COL5A2: variants seen among roughly 807,000 people sequenced by gnomAD.
The protein encoded by COL5A2 is collagen type V alpha 2 chain, also known as collagen alpha-2(V) chain.
In COL5A2, 23 loss-of-function variants were observed where a neutral mutation model predicts 208.2. The observed-to-expected ratio is 0.11, with a 90% CI of 0.08 to 0.16. COL5A2 has a LOEUF of 0.16. Among genes scored for constraint, COL5A2 ranks in the 10% least tolerant of loss-of-function variants. COL5A2 has a pLI of 1.00. For missense variants in COL5A2, 1,590 were observed against 1,956.4 expected (o/e 0.81, Z 3.53); for synonymous variants, 625 against 628.5 (o/e 0.99, Z 0.08).
chr2:189,033,930 C>CT lies in COL5A2; in HGVS notation c.*139dup. On this transcript the variant is annotated 3_prime_UTR_variant, in exon 54 of 54. Transcript: ENST00000374866. ...TTCTGAAGGATAAGGAGGCCAGGCA[C>CT]TTAAGACCATATATACAATGCTGAT... The CT allele has an allele frequency of 9.1e-7, 1 of 1,100,860 alleles. No homozygotes were observed. Among genetic ancestry groups the CT allele is most frequent in the African/African-American group, 1.5e-5 (1 of 65,258 alleles). 68.2% of individuals were successfully genotyped at this position (1,100,860 alleles called of 1,614,324 possible). A position where few individuals can be genotyped will look rare whatever the true frequency, so the allele number is the denominator to read the frequency against.
the COL5A2 span, among the ~76,000 whole-genome samples, chr2:189,273,122 AT>A: frequency 1.3e-5 from 2 of 152,302 alleles, no homozygotes; most frequent in Admixed American, 1.3e-4. Context: ...GAAGTCTCAG[AT>A]AAAATCATAT....
intron 35 of COL5A2, among the ~76,000 whole-genome samples, chr2:189,054,851 C>T (rs1685869514): frequency 6.6e-6 from 1 of 151,720 alleles, no homozygotes. Context: ...ACTGAGACTA[C>T]AGGCACAAGC....
At chr2:189,164,622 C>T (rs1250035140) in intron 1 of COL5A2, among the ~76,000 whole-genome samples, 1 of 151,944 alleles carries the variant, frequency 6.6e-6, no homozygotes, top group African/African-American at 2.4e-5. Flanking sequence ...ATTTAGCTAA[C>T]TGTTCATTAC....
chr2:189,186,783 A>T (rs1320395866), intron 1 of COL5A2, among the ~76,000 whole-genome samples: 3 of 152,246 alleles, frequency 2.0e-5, no homozygotes, highest in Non-Finnish European at 2.9e-5. Flanking sequence ...TGTACCAATG[A>T]ATTTAATTAT....
At chr2:189,416,326 G>A in the COL5A2 span, among the ~76,000 whole-genome samples, 2 of 152,206 alleles carry the variant, frequency 1.3e-5, no homozygotes, top group African/African-American at 4.8e-5. Context: ...GCCCAACAAT[G>A]ATAGACTGGA....
chr2:189,303,331 A>G, the COL5A2 span, among the ~76,000 whole-genome samples: 1 of 152,138 alleles, frequency 6.6e-6, no homozygotes, highest in African/African-American at 2.4e-5. Flanking sequence ...AGCCCTTTGT[A>G]AACTATAACA....
the COL5A2 span, among the ~76,000 whole-genome samples, chr2:189,258,122 T>A: frequency 7.3e-5 from 11 of 151,538 alleles, no homozygotes; most frequent in Non-Finnish European, 1.6e-4. Flanking sequence ...TCAAAAAAAA[T>A]AAAATAAAAT....
chr2:189,260,111 A>T, the COL5A2 span, among the ~76,000 whole-genome samples: 1 of 152,362 alleles, frequency 6.6e-6, no homozygotes, highest in Admixed American at 6.5e-5. Context: ...TGATCAAAAT[A>T]AAAGTAGTTT....
intron 2 of COL5A2, among the ~76,000 whole-genome samples, chr2:189,105,998 T>C (rs1251538064): frequency 6.6e-6 from 1 of 151,518 alleles, no homozygotes; most frequent in Non-Finnish European, 1.5e-5. Flanking sequence ...ATTTTATTCA[T>C]GTATCTACAT....
At chr2:189,322,507 C>G in the COL5A2 span, among the ~76,000 whole-genome samples, 1 of 152,144 alleles carries the variant, frequency 6.6e-6, no homozygotes, top group African/African-American at 2.4e-5. Flanking sequence ...CACCACCGAT[C>G]CCACAGAAAT....
chr2:189,063,277 A>C lies in COL5A2; in HGVS notation c.1771-7T>G. Reference sequence around the variant, plus strand: ...CATCTTCCCCTGGCGCACCCTATAGAATTGACAGGAGCCATGTAAGTTTCA... The same window carrying C: ...CATCTTCCCCTGGCGCACCCTATAGCATTGACAGGAGCCATGTAAGTTTCA... On this transcript the variant is annotated splice_region_variant and splice_polypyrimidine_tract_variant and intron_variant, in intron 26 of 53. Transcript: ENST00000374866. The C allele has an allele frequency of 1.2e-6, 2 of 1,610,956 alleles. No homozygotes were observed. Among genetic ancestry groups the C allele is most frequent in the Non-Finnish European group, 8.5e-7 (1 of 1,177,658 alleles).
intron 1 of COL5A2, among the ~76,000 whole-genome samples, chr2:189,204,342 C>T (rs912028058): frequency 3.9e-5 from 6 of 152,186 alleles, no homozygotes; most frequent in Admixed American, 3.3e-4. Context: ...GGGCTTTGCC[C>T]AAAGATGTTT....
intron 16 of COL5A2, among the ~76,000 whole-genome samples, chr2:189,077,157 T>G (rs768074475): frequency 2.0e-5 from 3 of 152,160 alleles, no homozygotes; most frequent in Admixed American, 6.6e-5. Context: ...CCATTAATAG[T>G]TGGTAGTTCT....
the COL5A2 span, among the ~76,000 whole-genome samples, chr2:189,310,261 T>C: frequency 6.6e-6 from 1 of 152,156 alleles, no homozygotes; most frequent in African/African-American, 2.4e-5. Flanking sequence ...GGCAAAAGAT[T>C]TGAATAGATG....
chr2:189,209,533 G>A lies in COL5A2; in HGVS notation c.-42+15615C>T, dbSNP rs147109801. Among the ~76,000 whole-genome samples the A allele has an allele frequency of 6.0e-4, 92 of 152,190 alleles. No individual in the cohort carries two copies. In the East Asian group the frequency reaches 0.016, roughly 26 times the overall value. On this transcript the variant is annotated intron_variant, in intron 1 of 10. Transcript: ENST00000649966. Reference sequence around the variant, plus strand: ...GAGACCCAGGAAGTTTTCAAGTAATGAGCCCCAGGTCACACAGATAGTAGT... The same window carrying A: ...GAGACCCAGGAAGTTTTCAAGTAATAAGCCCCAGGTCACACAGATAGTAGT...
intron 1 of COL5A2, among the ~76,000 whole-genome samples, chr2:189,164,946 A>T (rs989259965): frequency 2.0e-5 from 3 of 152,220 alleles, no homozygotes; most frequent in African/African-American, 4.8e-5. Context: ...CTTTCTCTTC[A>T]TTGACTGCTC....
chr2:189,254,596 C>T, the COL5A2 span, among the ~76,000 whole-genome samples: 2 of 152,206 alleles, frequency 1.3e-5, no homozygotes, highest in Non-Finnish European at 2.9e-5. Flanking sequence ...TTCTTCTATG[C>T]TCTAGTGCTG....
At chr2:189,254,767 G>A in the COL5A2 span, among the ~76,000 whole-genome samples, 2 of 152,336 alleles carry the variant, frequency 1.3e-5, no homozygotes, top group African/African-American at 4.8e-5. Flanking sequence ...AGCAAATGTT[G>A]TTGAGGCATG....
At chr2:189,067,288 A>C (rs1686176109) in intron 21 of COL5A2, among the ~76,000 whole-genome samples, 2 of 152,156 alleles carry the variant, frequency 1.3e-5, no homozygotes, top group Non-Finnish European at 2.9e-5. Context: ...TTAAATACCA[A>C]CTGAAATTTA....
Sources: allele counts gnomAD v4.1 joint callset (sites outside exome capture counted in the v4.1 genomes callset), GRCh38; gene constraint gnomAD v4.1.1; transcripts MANE v1.5; gene names NCBI Gene and HGNC (gene_info 2026-07-23, HGNC 2026-07-21).